The following RALYL variants were observed in gnomAD, a reference collection of about 807,000 sequenced individuals.
RALYL encodes RNA-binding Raly-like protein.
RALYL carries 29 observed loss-of-function variants against 35.1 expected under a neutral mutation model. The ratio of observed to expected loss-of-function variants is 0.83; its 90% CI spans 0.61 to 1.13. The LOEUF (loss-of-function observed/expected upper bound fraction) is 1.13. Among genes scored for constraint, RALYL ranks in the 50% most tolerant of loss-of-function variants. The probability of loss-of-function intolerance (pLI) is 0.00; values close to 1 mark genes in which losing one functional copy is unlikely to be tolerated. For missense variants in RALYL, 359 were observed against 360.4 expected (o/e 1.00, Z 0.03); for synonymous variants, 120 against 127.6 (o/e 0.94, Z 0.40).
intron 1 of RALYL, among the ~76,000 whole-genome samples, chr8:84,499,245 G>T (rs1005814080): frequency 6.6e-6 from 1 of 151,822 alleles, no homozygotes; most frequent in South Asian, 2.1e-4. Context: ...CCTCCCTCGC[G>T]CCTTTATCAT....
intron 2 of RALYL, among the ~76,000 whole-genome samples, chr8:84,544,151 A>C (rs1171771418): frequency 6.6e-6 from 1 of 152,028 alleles, no homozygotes; most frequent in Non-Finnish European, 1.5e-5. Flanking sequence ...CTCCTCTGTG[A>C]GGTTATGTCA....
intron 2 of RALYL, among the ~76,000 whole-genome samples, chr8:84,634,712 G>T (rs1824658268): frequency 6.6e-6 from 1 of 151,850 alleles, no homozygotes; most frequent in African/African-American, 2.4e-5. Flanking sequence ...GACTGAGGAA[G>T]GGCTGGTCAG....
chr8:84,186,420 G>C (rs1376729424), intron 1 of RALYL, among the ~76,000 whole-genome samples: 1 of 152,116 alleles, frequency 6.6e-6, no homozygotes, highest in Non-Finnish European at 1.5e-5. Flanking sequence ...TAAAATGCAA[G>C]ACAATTTATG....
chr8:84,378,301 T>A (rs1222994880), intron 1 of RALYL, among the ~76,000 whole-genome samples: 1 of 151,924 alleles, frequency 6.6e-6, no homozygotes, highest in Non-Finnish European at 1.5e-5. Flanking sequence ...AGATTGGGCA[T>A]GGCTTGCTAT....
intron 4 of RALYL, among the ~76,000 whole-genome samples, chr8:84,839,278 C>A (rs551297976): frequency 2.6e-5 from 4 of 152,222 alleles, no homozygotes; most frequent in Non-Finnish European, 5.9e-5. Context: ...CCTAATACTG[C>A]GCTTTTCCAA....
At chr8:84,494,215 C>T (rs1488920779) in intron 1 of RALYL, among the ~76,000 whole-genome samples, 1 of 151,876 alleles carries the variant, frequency 6.6e-6, no homozygotes, top group Non-Finnish European at 1.5e-5. Context: ...GATGGTTGTA[C>T]ATCTGTGGTC....
At chr8:84,232,308 C>T (rs141358204) in intron 1 of RALYL, among the ~76,000 whole-genome samples, 39 of 152,150 alleles carry the variant, frequency 2.6e-4, no homozygotes, top group African/African-American at 7.7e-4. Context: ...AGAAAAATAA[C>T]TGTGAAAGTT....
chr8:84,212,932 T>C (rs1819854904), intron 1 of RALYL, among the ~76,000 whole-genome samples: 1 of 152,210 alleles, frequency 6.6e-6, no homozygotes, highest in South Asian at 2.1e-4. Flanking sequence ...CAATAAAAAG[T>C]TATCTCCTTA....
intron 2 of RALYL, among the ~76,000 whole-genome samples, chr8:84,745,859 C>A (rs1470817476): frequency 6.6e-6 from 1 of 151,820 alleles, no homozygotes. Flanking sequence ...GTTTTTTTAG[C>A]CTGGACTTCT....
intron 8 of RALYL, among the ~76,000 whole-genome samples, chr8:84,895,384 T>C (rs897906458): frequency 3.3e-5 from 5 of 151,732 alleles, no homozygotes; most frequent in African/African-American, 1.2e-4. Context: ...CTTTGTTAAG[T>C]CTTTTATGAT....
intron 2 of RALYL, among the ~76,000 whole-genome samples, chr8:84,722,516 A>T (rs1844117843): frequency 6.6e-6 from 1 of 150,844 alleles, no homozygotes; most frequent in African/African-American, 2.4e-5. Flanking sequence ...AGAAGGACCT[A>T]GTCCCAACAC....
chr8:84,705,656 G>A (rs1003261349), intron 2 of RALYL, among the ~76,000 whole-genome samples: 4 of 151,992 alleles, frequency 2.6e-5, no homozygotes, highest in African/African-American at 9.7e-5. Context: ...TACTAAACAA[G>A]GTTTTTATAT....
chr8:84,395,509 G>A (rs1457911059), intron 1 of RALYL, among the ~76,000 whole-genome samples: 1 of 151,800 alleles, frequency 6.6e-6, no homozygotes, highest in Non-Finnish European at 1.5e-5. Context: ...AATCATCAGT[G>A]TAATCTGTAA....
At chr8:84,547,173 T>G (rs1206079893) in intron 2 of RALYL, among the ~76,000 whole-genome samples, 1 of 152,084 alleles carries the variant, frequency 6.6e-6, no homozygotes, top group Non-Finnish European at 1.5e-5. Flanking sequence ...GTGTTCTCAT[T>G]GTTCAGCTCC....
intron 2 of RALYL, among the ~76,000 whole-genome samples, chr8:84,624,226 T>C (rs1822215046): frequency 6.6e-6 from 1 of 152,200 alleles, no homozygotes; most frequent in African/African-American, 2.4e-5. Context: ...CTTACTGTAC[T>C]AGTTCTCTAC....
chr8:84,272,986 T>C (rs1834628873), intron 1 of RALYL, among the ~76,000 whole-genome samples: 1 of 152,224 alleles, frequency 6.6e-6, no homozygotes, highest in Non-Finnish European at 1.5e-5. Flanking sequence ...ATTTGCTAGA[T>C]TGATTCCTTT....
intron 1 of RALYL, among the ~76,000 whole-genome samples, chr8:84,465,100 A>G (rs1267517619): frequency 8.3e-6 from 1 of 120,336 alleles, no homozygotes; most frequent in African/African-American, 3.2e-5. Context: ...TTGCCTGTTC[A>G]CTCTGATGGT....
chr8:84,700,421 G>A (rs1839978835), intron 2 of RALYL, among the ~76,000 whole-genome samples: 1 of 151,958 alleles, frequency 6.6e-6, no homozygotes, highest in Non-Finnish European at 1.5e-5. Context: ...CCCAATTATA[G>A]TTTAAAAAAA....
chr8:84,696,653 A>G (rs573258749), intron 2 of RALYL, among the ~76,000 whole-genome samples: 2 of 151,414 alleles, frequency 1.3e-5, no homozygotes, highest in South Asian at 2.1e-4. Flanking sequence ...AAACTAAAGA[A>G]GTTTTGAAAA....
Sources: gnomAD v4.1 joint callset for allele counts (sites outside exome capture counted in the v4.1 genomes callset) on GRCh38, gnomAD v4.1.1 for gene constraint, MANE v1.5 for transcripts, NCBI Gene and HGNC (gene_info 2026-07-23, HGNC 2026-07-21) for gene names.